The following RAB7B variants were observed in gnomAD, a reference collection of about 807,000 sequenced individuals.
RAB7B encodes RAB7B, member RAS oncogene family, also known as ras-related protein Rab-7b.
chr1:205,982,220 T>C (rs1660507777), intron 5 of RAB7B, among the ~76,000 whole-genome samples: 1 of 152,236 alleles, frequency 6.6e-6, no homozygotes, highest in Non-Finnish European at 1.5e-5. Flanking sequence ...GTTCCCCGTA[T>C]TGCTTGGCTC....
chr1:205,981,069 T>G (rs1660483561), intron 5 of RAB7B, among the ~76,000 whole-genome samples: 1 of 151,804 alleles, frequency 6.6e-6, no homozygotes, highest in South Asian at 2.1e-4. Context: ...CCCACCTAGT[T>G]TTTTATATTT....
At chr1:205,981,268 C>G (rs1660486243) in intron 5 of RAB7B, among the ~76,000 whole-genome samples, 1 of 152,202 alleles carries the variant, frequency 6.6e-6, no homozygotes, top group South Asian at 2.1e-4. Flanking sequence ...GATATCTCTT[C>G]TTTAATTATT....
intron 1 of RAB7B, among the ~76,000 whole-genome samples, chr1:205,997,358 A>G (rs2102643160): frequency 6.6e-6 from 1 of 152,330 alleles, no homozygotes; most frequent in South Asian, 2.1e-4. Context: ...AAAGTGCTTG[A>G]GAATTCAGCA....
chr1:205,992,485 G>A lies in RAB7B; in HGVS notation c.391C>T (p.Arg131Trp), dbSNP rs1395525030. 43 of 398,484 alleles carry A rather than the reference G, an allele frequency of 1.1e-4. No individual in the cohort carries two copies. Among genetic ancestry groups the A allele is most frequent in the Non-Finnish European group, 1.8e-4 (40 of 226,090 alleles). The allele number at this position is 398,484 out of a possible 1,614,324, so 24.7% of individuals were successfully genotyped here. Residue 131 changes from arginine to tryptophan, a missense_variant, in exon 4 of 6, where the codon CGG becomes TGG. Physicochemically the swap from Arg to Trp is moderately radical, Grantham distance 101. Transcript: ENST00000617070. ...LLGNKIDLAD[R>W]KVPQEVAQGW... ...AATAAATGAACGAACAGTACCTTCC[G>A]GTCTGCCAGATCGATCTTGTTCCCC...
intron 1 of RAB7B, among the ~76,000 whole-genome samples, chr1:205,999,689 CTG>C (rs1660859944): frequency 6.6e-6 from 1 of 152,256 alleles, no homozygotes; most frequent in South Asian, 2.1e-4. Context: ...GGTAATCTAA[CTG>C]TCCATCAATA....
chr1:205,977,422 T>C lies in RAB7B; in HGVS notation c.*1429A>G, dbSNP rs2102628521. On this transcript the variant is annotated 3_prime_UTR_variant, in exon 6 of 6. Transcript: ENST00000617070. ...CTCATTTCTTACTAGGCTTAAGAAA[T>C]TGGAATTCTCTGCCTTACAAATCCC... 1 of 152,312 alleles carries C rather than the reference T, an allele frequency of 6.6e-6. No individual in the cohort carries two copies. Among genetic ancestry groups the C allele is most frequent in the African/African-American group, 2.4e-5 (1 of 41,566 alleles). 9.4% of individuals were successfully genotyped at this position (152,312 alleles called of 1,614,324 possible). A position where few individuals can be genotyped will look rare whatever the true frequency, so the allele number is the denominator to read the frequency against.
At chr1:205,993,902 A>G (rs1419352477) in intron 2 of RAB7B, among the ~76,000 whole-genome samples, 181 bp downstream of exon 2, 1 of 152,206 alleles carries the variant, frequency 6.6e-6, no homozygotes, top group African/African-American at 2.4e-5. Flanking sequence ...TAGGACTGGA[A>G]ACCATCTGTT....
At chr1:205,988,388 G>C (rs1296404502) in intron 4 of RAB7B, among the ~76,000 whole-genome samples, 1 of 151,160 alleles carries the variant, frequency 6.6e-6, no homozygotes, top group Non-Finnish European at 1.5e-5. Flanking sequence ...CACCACACCT[G>C]GCTAATTAAA....
rs1484813077 is a variant in RAB7B at position 205,977,912 on chromosome 1, G to C, written c.*939C>G. 3.3e-5 allele frequency: 5 copies of C among 152,056 alleles called. No homozygotes were observed. Among genetic ancestry groups the C allele is most frequent in the African/African-American group, 1.2e-4 (5 of 41,366 alleles). The allele number at this position is 152,056 out of a possible 1,614,324, so 9.4% of individuals were successfully genotyped here. A position where few individuals can be genotyped will look rare whatever the true frequency, so the allele number is the denominator to read the frequency against. ...CTATCCCATTACCCTGTTTCCCTTTGTTTATAGCACTTACCTGCTATTTGG... is the reference window on the plus strand; with the variant it reads ...CTATCCCATTACCCTGTTTCCCTTTCTTTATAGCACTTACCTGCTATTTGG... On this transcript the variant is annotated 3_prime_UTR_variant, in exon 6 of 6. Coordinates refer to ENST00000617070, the MANE Select transcript of RAB7B (RefSeq NM_001164522.3).
At chr1:205,990,705 G>A (rs1456246115) in intron 4 of RAB7B, among the ~76,000 whole-genome samples, 1 of 152,086 alleles carries the variant, frequency 6.6e-6, no homozygotes, top group Non-Finnish European at 1.5e-5. Flanking sequence ...GGAGGCTTCC[G>A]AAGGACCCAC....
intron 5 of RAB7B, among the ~76,000 whole-genome samples, chr1:205,980,053 TAAG>T (rs1660460217): frequency 6.6e-6 from 1 of 152,076 alleles, no homozygotes; most frequent in Admixed American, 6.6e-5. Context: ...CCCAAATACA[TAAG>T]AAGATCCTCT....
At chr1:205,997,753 T>C (rs1660827641) in intron 1 of RAB7B, among the ~76,000 whole-genome samples, 1 of 152,214 alleles carries the variant, frequency 6.6e-6, no homozygotes, top group Non-Finnish European at 1.5e-5. Flanking sequence ...GTTATCACTT[T>C]GGAAGGGTCC....
chr1:205,993,120 T>A (rs905587400), intron 3 of RAB7B, among the ~76,000 whole-genome samples: 4 of 152,200 alleles, frequency 2.6e-5, no homozygotes, highest in Non-Finnish European at 5.9e-5. Flanking sequence ...TTTCTATAAA[T>A]AACAGATAGT....
At chr1:205,991,864 G>A (rs935634785) in intron 4 of RAB7B, among the ~76,000 whole-genome samples, 19 of 152,292 alleles carry the variant, frequency 1.2e-4, no homozygotes, top group South Asian at 1.2e-3. Context: ...TCTCAATGCC[G>A]TGTAATGGTA....
intron 5 of RAB7B, chr1:205,983,695 C>T (rs1180715301): frequency 6.6e-6 from 1 of 152,182 alleles, no homozygotes; most frequent in Non-Finnish European, 1.5e-5. Flanking sequence ...CCTGTGACCT[C>T]CAGACTTCTG....
intron 5 of RAB7B, among the ~76,000 whole-genome samples, chr1:205,979,757 G>C (rs1232263924): frequency 6.6e-6 from 1 of 152,164 alleles, no homozygotes; most frequent in South Asian, 2.1e-4. Context: ...TTCACTCTAC[G>C]TGGAAGGGGT....
intron 1 of RAB7B, among the ~76,000 whole-genome samples, chr1:205,999,980 C>T (rs1466460601): frequency 6.6e-6 from 1 of 152,148 alleles, no homozygotes; most frequent in African/African-American, 2.4e-5. Flanking sequence ...TGCTTTGTAG[C>T]CCCAGTTGGT....
intron 4 of RAB7B, among the ~76,000 whole-genome samples, chr1:205,990,559 T>C (rs1660704022): frequency 6.6e-6 from 1 of 152,030 alleles, no homozygotes; most frequent in Non-Finnish European, 1.5e-5. Context: ...AGCAACAGGC[T>C]GGGGCTGGCT....
At chr1:205,985,371 A>C (rs1449070543) in intron 5 of RAB7B, among the ~76,000 whole-genome samples, 169 bp downstream of exon 5, 1 of 152,176 alleles carries the variant, frequency 6.6e-6, no homozygotes, top group Non-Finnish European at 1.5e-5. Context: ...CTGTGGTTCC[A>C]GAGCTGGAGT....
Sources: allele counts gnomAD v4.1 joint callset (sites outside exome capture counted in the v4.1 genomes callset), GRCh38; gene constraint gnomAD v4.1.1; transcripts MANE v1.5; gene names NCBI Gene and HGNC (gene_info 2026-07-23, HGNC 2026-07-21).